Variants in PDZRN3 observed in about 807,000 individuals in gnomAD.
The protein encoded by PDZRN3 is PDZ domain containing ring finger 3.
Under a neutral mutation model 85.7 loss-of-function variants are expected in PDZRN3, and 38 were observed. The ratio of observed to expected loss-of-function variants is 0.44; its 90% CI spans 0.34 to 0.58. PDZRN3 has a LOEUF of 0.58. PDZRN3 is among the 20% of genes least tolerant of loss of function. The probability of loss-of-function intolerance (pLI) is 0.01; values close to 1 mark genes in which losing one functional copy is unlikely to be tolerated. For synonymous variants in PDZRN3, 759 were observed against 638.0 expected (o/e 1.19, Z -2.86); for missense variants, 1,629 against 1,506.4 (o/e 1.08, Z -1.35).
chr3:73,595,235 C>T (rs533078638), intron 3 of PDZRN3, among the ~76,000 whole-genome samples: 70 of 152,296 alleles, frequency 4.6e-4, no homozygotes, highest in African/African-American at 1.4e-3. Flanking sequence ...ATCTTCTCAA[C>T]GCAGCTTGAA....
At chr3:73,555,489 T>C (rs1701672821) in intron 3 of PDZRN3, among the ~76,000 whole-genome samples, 2 of 152,206 alleles carry the variant, frequency 1.3e-5, no homozygotes, top group South Asian at 4.1e-4. Context: ...AATTAAAACT[T>C]TCCCACTGAC....
At chr3:73,469,613 A>T (rs899310026) in intron 3 of PDZRN3, among the ~76,000 whole-genome samples, 2 of 152,218 alleles carry the variant, frequency 1.3e-5, no homozygotes, top group African/African-American at 4.8e-5. Context: ...AGCCTGACCC[A>T]AATGCCCGGT....
chr3:73,556,081 C>T (rs1575733761), intron 3 of PDZRN3, among the ~76,000 whole-genome samples: 1 of 152,202 alleles, frequency 6.6e-6, no homozygotes, highest in Non-Finnish European at 1.5e-5. Context: ...GAGAAATCCT[C>T]TTAACTTTCA....
At chr3:73,616,110 T>G (rs978144732) in intron 1 of PDZRN3, among the ~76,000 whole-genome samples, 5 of 152,174 alleles carry the variant, frequency 3.3e-5, no homozygotes, top group Non-Finnish European at 5.9e-5. Context: ...CTCTCTCCAT[T>G]GCCTCCTTTC....
At chr3:73,576,298 C>T (rs1172344825) in intron 3 of PDZRN3, among the ~76,000 whole-genome samples, 1 of 152,048 alleles carries the variant, frequency 6.6e-6, no homozygotes, top group Non-Finnish European at 1.5e-5. Flanking sequence ...AGGTGTTACC[C>T]AAAGCCATTC....
intron 2 of PDZRN3, among the ~76,000 whole-genome samples, chr3:73,603,882 CACAT>C (rs748784875): frequency 0.076 from 7,262 of 95,080 alleles, 205 homozygotes; most frequent in Middle Eastern, 0.22. Flanking sequence ...CACACACACA[CACAT>C]ACACACACAC....
intron 3 of PDZRN3, among the ~76,000 whole-genome samples, chr3:73,418,063 GAAT>G (rs1170132224): frequency 6.6e-6 from 1 of 152,136 alleles, no homozygotes; most frequent in Non-Finnish European, 1.5e-5. Context: ...GGCACAAAAA[GAAT>G]AATAATGACA....
chr3:73,556,849 C>T (rs887402730), intron 3 of PDZRN3: 1 of 152,266 alleles, frequency 6.6e-6, no homozygotes, highest in African/African-American at 2.4e-5. Flanking sequence ...GATTCAAGTA[C>T]TCCTCCTGGA....
intron 3 of PDZRN3, among the ~76,000 whole-genome samples, chr3:73,552,528 G>A (rs1258604196): frequency 6.6e-6 from 1 of 152,122 alleles, no homozygotes; most frequent in Admixed American, 6.5e-5. Context: ...TGTTTATGGT[G>A]TGTATGAGGT....
chr3:73,545,324 G>T (rs892112541), intron 3 of PDZRN3, among the ~76,000 whole-genome samples: 30 of 152,174 alleles, frequency 2.0e-4, no homozygotes, highest in Non-Finnish European at 4.3e-4. Flanking sequence ...GCGGATCAGA[G>T]GGTTTAAGAA....
At chr3:73,531,697 A>T (rs1376931456) in intron 3 of PDZRN3, among the ~76,000 whole-genome samples, 2 of 152,220 alleles carry the variant, frequency 1.3e-5, no homozygotes, top group African/African-American at 4.8e-5. Flanking sequence ...CAAGGCCTAC[A>T]TGTAGCCTCC....
intron 3 of PDZRN3, among the ~76,000 whole-genome samples, chr3:73,423,616 T>A (rs1343470292): frequency 6.6e-6 from 1 of 152,258 alleles, no homozygotes; most frequent in African/African-American, 2.4e-5. Flanking sequence ...GTCTTACAGA[T>A]GTGTCTTCTT....
chr3:73,486,354 A>G (rs990929276), intron 3 of PDZRN3, among the ~76,000 whole-genome samples: 1 of 151,962 alleles, frequency 6.6e-6, no homozygotes, highest in African/African-American at 2.4e-5. Context: ...ATGGCTTTGG[A>G]GCTGGCAGGG....
chr3:73,562,995 ATATATATATATATATATATT>A (rs1280526828), intron 3 of PDZRN3, among the ~76,000 whole-genome samples: 5 of 29,092 alleles, frequency 1.7e-4, no homozygotes, highest in South Asian at 1.4e-3. Flanking sequence ...ATATATATAT[ATATATATATATATATATATT>A]TTTTTTTTTT....
intron 3 of PDZRN3, among the ~76,000 whole-genome samples, chr3:73,594,253 T>C (rs531916490): frequency 7.2e-5 from 11 of 152,304 alleles, no homozygotes; most frequent in African/African-American, 2.4e-4. Context: ...TTGGTCATCT[T>C]GTTAATTCTG....
intron 3 of PDZRN3, among the ~76,000 whole-genome samples, chr3:73,524,984 TAAG>T (rs963033812): frequency 6.7e-6 from 1 of 149,244 alleles, no homozygotes; most frequent in Admixed American, 6.7e-5. Context: ...ATCACAGATA[TAAG>T]AAATTATAAA....
intron 3 of PDZRN3, among the ~76,000 whole-genome samples, chr3:73,496,019 A>C (rs1318593297): frequency 2.0e-5 from 3 of 151,792 alleles, no homozygotes; most frequent in Non-Finnish European, 4.4e-5. Context: ...TTGATGTGTT[A>C]ATTATAAGGA....
At position 73,474,578 on chromosome 3, in the gene PDZRN3, C is replaced by T. The variant is rs184666312; in HGVS notation, c.919-70183G>A. The T allele has an allele frequency of 3.6e-5, 46 of 1,281,074 alleles. No homozygotes were observed. In the East Asian group the frequency reaches 3.9e-4, roughly 11 times the overall value. The allele number at this position is 1,281,074 out of a possible 1,614,324, so 79.4% of individuals were successfully genotyped here. On this transcript the variant is annotated intron_variant, in intron 3 of 9. Transcript: ENST00000263666. ...AGTGAAGCAAGGCAGCCTGCAGGTC[C>T]GCAGTTTCATTGCGATCTAAGCTTG... is the stretch of plus-strand genomic sequence containing the variant.
chr3:73,401,534 C>T (rs906723755), intron 4 of PDZRN3, among the ~76,000 whole-genome samples: 10 of 152,248 alleles, frequency 6.6e-5, no homozygotes, highest in African/African-American at 1.9e-4. Flanking sequence ...ATATCACAAA[C>T]GTACAGTATG....
Sources: allele counts gnomAD v4.1 joint callset (sites outside exome capture counted in the v4.1 genomes callset), GRCh38; gene constraint gnomAD v4.1.1; transcripts MANE v1.5; gene names NCBI Gene and HGNC (gene_info 2026-07-23, HGNC 2026-07-21).